PTPRT: variants seen among roughly 807,000 people sequenced by gnomAD.
PTPRT encodes protein tyrosine phosphatase receptor type T, also known as receptor-type tyrosine-protein phosphatase T.
Under a neutral mutation model 176.8 loss-of-function variants are expected in PTPRT, and 56 were observed. The ratio of observed to expected loss-of-function variants is 0.32; its 90% CI spans 0.26 to 0.40. The LOEUF is 0.40. Among genes scored for constraint, PTPRT ranks in the 10% least tolerant of loss-of-function variants. The pLI, the probability that PTPRT is intolerant of heterozygous loss-of-function variation, is 1.00. For synonymous variants in PTPRT, 783 were observed against 739.0 expected (o/e 1.06, Z -0.96); for missense variants, 1,540 against 1,908.2 (o/e 0.81, Z 3.60).
At position 43,164,005 on chromosome 20, in the gene PTPRT, T is replaced by G. The variant is rs149180619; in HGVS notation, c.88+25641A>C. Reference sequence around the variant, plus strand: ...GGACGACTTCTAAAAACCATGAAATTTTACCTTTGGTATATATGTTTCATT... The same window carrying G: ...GGACGACTTCTAAAAACCATGAAATGTTACCTTTGGTATATATGTTTCATT... On this transcript the variant is annotated intron_variant, in intron 1 of 30. Coordinates refer to ENST00000373187, the MANE Select transcript of PTPRT (RefSeq NM_007050.6). 5.3e-3 allele frequency among the ~76,000 whole-genome samples: 806 copies of G among 152,328 alleles called. 8 individuals are homozygous for G. Among genetic ancestry groups the G allele is most frequent in the African/African-American group, 0.019 (784 of 41,574 alleles).
At chr20:42,116,305 G>A (rs576441597) in intron 21 of PTPRT, among the ~76,000 whole-genome samples, 3 of 152,234 alleles carry the variant, frequency 2.0e-5, no homozygotes, top group East Asian at 1.9e-4. Context: ...TTTCCCAAAC[G>A]TATTTAACCG....
Position 42,518,993 on chromosome 20 carries a change from C to T in PTPRT, c.1154-46431G>A, listed in dbSNP as rs549762243. Among the ~76,000 whole-genome samples, 14 of 152,110 alleles carry T rather than the reference C, an allele frequency of 9.2e-5. No homozygotes were observed. The South Asian group carries it at 1.0e-3, about 11-fold the overall frequency. ...CTCTCATGTACCCTTTATCCAGTTT[C>T]CCCCATTTTAACATCTTCCAAAACT... is the stretch of plus-strand genomic sequence containing the variant. On this transcript the variant is annotated intron_variant, in intron 7 of 30. Coordinates refer to ENST00000373187, the MANE Select transcript of PTPRT (RefSeq NM_007050.6).
chr20:42,396,745 A>G (rs1002323896), intron 9 of PTPRT, among the ~76,000 whole-genome samples: 5 of 152,170 alleles, frequency 3.3e-5, no homozygotes, highest in Admixed American at 6.5e-5. Flanking sequence ...CATTTTTAGT[A>G]GAGACGGGGT....
At chr20:42,621,677 T>A (rs1284877641) in intron 7 of PTPRT, among the ~76,000 whole-genome samples, 1 of 152,076 alleles carries the variant, frequency 6.6e-6, no homozygotes, top group African/African-American at 2.4e-5. Context: ...GTTGCATTTC[T>A]TGGCATTGTT....
intron 1 of PTPRT, among the ~76,000 whole-genome samples, chr20:42,960,832 T>C (rs1057366660): frequency 6.6e-6 from 1 of 152,212 alleles, no homozygotes; most frequent in African/African-American, 2.4e-5. Context: ...CATTTCCCTA[T>C]GTTGGGAGAA....
chr20:42,303,217 T>C (rs13037480), intron 12 of PTPRT, among the ~76,000 whole-genome samples: 33,387 of 152,140 alleles, frequency 0.22, 4,019 homozygotes, highest in East Asian at 0.38. Flanking sequence ...TAATTACTAA[T>C]TGATGTTTGT....
chr20:42,108,353 C>CAA (rs1195544479), intron 23 of PTPRT, among the ~76,000 whole-genome samples: 1 of 152,072 alleles, frequency 6.6e-6, no homozygotes, highest in African/African-American at 2.4e-5. Context: ...TGACCTCGGG[C>CAA]AAATGACTTA....
chr20:42,710,630 C>T (rs2076130318), intron 6 of PTPRT, among the ~76,000 whole-genome samples: 1 of 152,256 alleles, frequency 6.6e-6, no homozygotes, highest in African/African-American at 2.4e-5. Flanking sequence ...AAGGGCAGAG[C>T]CCTGCAAAGA....
In PTPRT at chr20:42,678,009, G is replaced by T; in HGVS notation, c.1010C>A (p.Thr337Asn). The change falls in exon 7 of 31, where the codon ACC becomes AAC. Residue 337 changes from threonine to asparagine, a missense_variant. Around this residue, in one of 11 missense-constraint regions of PTPRT, gnomAD observed 273 missense variants for 432.1 expected, o/e 0.63. Coordinates refer to ENST00000373187, the MANE Select transcript of PTPRT (RefSeq NM_007050.6). The stretch of plus-strand genomic sequence containing the variant: ...ATAGTTGGGAGAGTCGACTATGTGG[G>T]TCTCTGCCCACGTGCCTGTGGTGGT... ...YRTTTGTWAE[T>N]HIVDSPNYKL... The T allele has an allele frequency of 6.2e-7, 1 of 1,614,160 alleles. No homozygotes were observed. Among genetic ancestry groups the T allele is most frequent in the Non-Finnish European group, 8.5e-7 (1 of 1,180,032 alleles).
chr20:42,666,621 T>C (rs1161370092), intron 7 of PTPRT, among the ~76,000 whole-genome samples: 1 of 152,226 alleles, frequency 6.6e-6, no homozygotes, highest in East Asian at 1.9e-4. Context: ...AGGATTGCTA[T>C]CCTCACAATA....
At chr20:42,939,684 G>GT (rs145249177) in intron 1 of PTPRT, among the ~76,000 whole-genome samples, 3,810 of 152,052 alleles carry the variant, frequency 0.025, 171 homozygotes, top group African/African-American at 0.086. Flanking sequence ...CTCAAACAAG[G>GT]TTTTTCTGCC....
chr20:42,332,655 G>A (rs1408449303), intron 11 of PTPRT, among the ~76,000 whole-genome samples: 3 of 146,750 alleles, frequency 2.0e-5, no homozygotes, highest in Non-Finnish European at 4.5e-5. Context: ...TTTTTTTTTT[G>A]AGAATAAACG....
chr20:42,295,527 T>C (rs2057374619), intron 12 of PTPRT, among the ~76,000 whole-genome samples: 1 of 152,264 alleles, frequency 6.6e-6, no homozygotes, highest in South Asian at 2.1e-4. Flanking sequence ...AAAAGTTTAA[T>C]ATGTTTAACT....
chr20:43,173,061 G>A lies in PTPRT; in HGVS notation c.88+16585C>T, dbSNP rs1015149653. 4.0e-5 allele frequency among the ~76,000 whole-genome samples: 6 copies of A among 151,814 alleles called. No homozygotes were observed. In the East Asian group the frequency reaches 7.8e-4, roughly 20 times the overall value. ...CTAATTTTGTATTTTTAGTAGAGAC[G>A]GGGGTTTCTCCATGTTGGTCACGGC... On this transcript the variant is annotated intron_variant, in intron 1 of 30. Coordinates refer to ENST00000373187, the MANE Select transcript of PTPRT (RefSeq NM_007050.6).
At chr20:42,645,730 C>T (rs1028899261) in intron 7 of PTPRT, among the ~76,000 whole-genome samples, 3 of 150,446 alleles carry the variant, frequency 2.0e-5, no homozygotes, top group Non-Finnish European at 4.4e-5. Flanking sequence ...CTGCCACTAG[C>T]ACCATATGTA....
intron 7 of PTPRT, among the ~76,000 whole-genome samples, chr20:42,583,453 G>A (rs1056827524): frequency 6.6e-6 from 1 of 152,224 alleles, no homozygotes; most frequent in African/African-American, 2.4e-5. Context: ...ACTACGGACA[G>A]AGGATGATGA....
chr20:42,149,944 A>G (rs1989050568), intron 17 of PTPRT, among the ~76,000 whole-genome samples: 1 of 152,182 alleles, frequency 6.6e-6, no homozygotes, highest in Non-Finnish European at 1.5e-5. Context: ...CCACATGACC[A>G]CAAGTCACAG....
chr20:42,723,807 A>G (rs1249297546), intron 6 of PTPRT, among the ~76,000 whole-genome samples: 1 of 152,158 alleles, frequency 6.6e-6, no homozygotes, highest in Non-Finnish European at 1.5e-5. Context: ...CCCACATGGG[A>G]TGGGCAGATC....
intron 8 of PTPRT, among the ~76,000 whole-genome samples, chr20:42,453,826 A>G (rs1601054855): frequency 7.4e-6 from 1 of 135,704 alleles, no homozygotes; most frequent in Non-Finnish European, 1.5e-5. Context: ...ACCCATGACC[A>G]CGCCCGGCTA....
Sources: allele counts gnomAD v4.1 joint callset (sites outside exome capture counted in the v4.1 genomes callset), GRCh38; gene constraint gnomAD v4.1.1; regional missense constraint gnomAD v4.1.1; transcripts MANE v1.5; gene names NCBI Gene and HGNC (gene_info 2026-07-23, HGNC 2026-07-21).